The following LUC7L3 variants were observed in gnomAD, a reference collection of about 807,000 sequenced individuals.
LUC7L3 encodes luc7-like protein 3.
Under a neutral mutation model 66.8 loss-of-function variants are expected in LUC7L3, and 6 were observed. The ratio of observed to expected loss-of-function variants is 0.09; its 90% CI spans 0.05 to 0.18. The LOEUF is 0.18. LUC7L3 is among the 10% of genes least tolerant of loss of function. The pLI is 1.00. For missense variants in LUC7L3, 341 were observed against 531.1 expected, an observed-to-expected ratio of 0.64 and a Z score of 3.52; for synonymous variants, 160 against 174.7, an observed-to-expected ratio of 0.92 and a Z score of 0.66.
intron 1 of LUC7L3, among the ~76,000 whole-genome samples, chr17:50,733,657 T>A (rs1969786846): frequency 6.6e-6 from 1 of 152,178 alleles, no homozygotes; most frequent in Non-Finnish European, 1.5e-5. Flanking sequence ...CGCCTCAGCC[T>A]CCCAAAGTGC....
intron 1 of LUC7L3, chr17:50,722,261 G>C (rs1266983457): frequency 1.5e-5 from 2 of 136,114 alleles, no homozygotes; most frequent in African/African-American, 5.6e-5. Context: ...GCAATGGCGT[G>C]ATTTTGGCTC....
intron 1 of LUC7L3, chr17:50,724,005 T>G: frequency 2.2e-6 from 1 of 454,258 alleles, no homozygotes; most frequent in Non-Finnish European, 4.4e-6. Flanking sequence ...AGTCCATGTG[T>G]TATATGTGTA....
At chr17:50,745,692 G>A in intron 7 of LUC7L3, 28 bp from the exon 8 acceptor site, 3 of 1,552,684 alleles carry the variant, frequency 1.9e-6, no homozygotes, top group South Asian at 1.2e-5. Context: ...AGTTACATTT[G>A]CATAAGAATC....
rs749171087 is a variant in LUC7L3 at position 50,740,284 on chromosome 17, A to G, written c.167-22A>G. ...TTGCTAATAATCACAGATAATTTATACAATTATATTTTTTCCCCCAGGTCC... is the reference window on the plus strand; with the variant it reads ...TTGCTAATAATCACAGATAATTTATGCAATTATATTTTTTCCCCCAGGTCC... On this transcript the variant is annotated intron_variant, in intron 2 of 9. Coordinates refer to ENST00000505658, the MANE Select transcript of LUC7L3 (RefSeq NM_016424.5). The G allele has an allele frequency of 7.1e-6, 11 of 1,546,882 alleles. No homozygotes were observed. In the South Asian group the frequency reaches 1.2e-4, roughly 17 times the overall value.
At chr17:50,733,398 G>GTT (rs35236108) in intron 1 of LUC7L3, among the ~76,000 whole-genome samples, 28,051 of 97,712 alleles carry the variant, frequency 0.29, 4,770 homozygotes, top group African/African-American at 0.39. Context: ...CGCCTGGCTA[G>GTT]TTTTTTTTTT....
In LUC7L3 at chr17:50,753,195, T is replaced by TA. The variant is rs1971048774; in HGVS notation, c.*2538dup. 1 of 152,578 alleles carries TA rather than the reference T, an allele frequency of 6.6e-6. No homozygotes were observed. Among genetic ancestry groups the TA allele is most frequent in the Non-Finnish European group, 1.5e-5 (1 of 68,030 alleles). 9.5% of individuals were successfully genotyped at this position (152,578 alleles called of 1,614,324 possible). A position where few individuals can be genotyped will look rare whatever the true frequency, so the allele number is the denominator to read the frequency against. On this transcript the variant is annotated 3_prime_UTR_variant, in exon 10 of 10. Coordinates refer to ENST00000505658, the MANE Select transcript of LUC7L3 (RefSeq NM_016424.5). ...TCTATAGCCAGCTTCTTCGACTGTA[T>TA]AAAAGTATTCTCTCCAGCTACGTAT...
At chr17:50,729,839 C>T (rs1969439561) in intron 1 of LUC7L3, among the ~76,000 whole-genome samples, 1 of 143,238 alleles carries the variant, frequency 7.0e-6, no homozygotes, top group East Asian at 2.0e-4. Context: ...CTGTTTCCAA[C>T]ATGAGTTGTG....
rs997535286 is a variant in LUC7L3, at chr17:50,723,892, C to T, written c.99+4061C>T. ...TCAAGTGATCGGTCCGCCTCAGTCT[C>T]CCAAAGTGCTGAGGTTACAGGCGTG... On this transcript the variant is annotated intron_variant, in intron 1 of 9. Coordinates refer to ENST00000505658, the MANE Select transcript of LUC7L3 (RefSeq NM_016424.5). 1.1e-4 allele frequency: 49 copies of T among 442,070 alleles called. No homozygotes were observed. In the Admixed American group the frequency reaches 1.2e-3, roughly 11 times the overall value. 27.4% of individuals were successfully genotyped at this position (442,070 alleles called of 1,614,324 possible).
chr17:50,746,950 G>A (rs970392963), intron 9 of LUC7L3, among the ~76,000 whole-genome samples: 2 of 151,852 alleles, frequency 1.3e-5, no homozygotes, highest in African/African-American at 4.8e-5. Flanking sequence ...GGTTTTTAAT[G>A]TAGCTTCTTT....
chr17:50,745,582 A>G (rs1240318495), intron 7 of LUC7L3, 138 bp from the exon 8 acceptor site: 1 of 623,730 alleles, frequency 1.6e-6, no homozygotes, highest in Non-Finnish European at 2.8e-6. Context: ...GTGTATATAC[A>G]TGGTGTTGGA....
At chr17:50,726,077 A>G (rs527372699) in intron 1 of LUC7L3, among the ~76,000 whole-genome samples, 1 of 152,348 alleles carries the variant, frequency 6.6e-6, no homozygotes, top group Non-Finnish European at 1.5e-5. Context: ...GTTGGTGTCT[A>G]AAGTAAATTG....
chr17:50,739,330 A>G (rs1046275892), intron 2 of LUC7L3, among the ~76,000 whole-genome samples: 3 of 152,216 alleles, frequency 2.0e-5, no homozygotes, highest in African/African-American at 7.2e-5. Flanking sequence ...GATAGTTTCT[A>G]TAGCTGAGTT....
At chr17:50,739,219 A>T (rs1430873372) in intron 2 of LUC7L3, among the ~76,000 whole-genome samples, 8 of 152,252 alleles carry the variant, frequency 5.3e-5, no homozygotes, top group Non-Finnish European at 1.0e-4. Context: ...TAGTGAGCTT[A>T]GAAAATAAGT....
chr17:50,723,840 G>A, intron 1 of LUC7L3: 1 of 367,260 alleles, frequency 2.7e-6, no homozygotes, highest in Non-Finnish European at 5.5e-6. Flanking sequence ...TTGCCATATT[G>A]GCCAGGCTGG....
intron 1 of LUC7L3, among the ~76,000 whole-genome samples, chr17:50,724,604 A>C (rs1323432198): frequency 9.4e-6 from 1 of 106,516 alleles, no homozygotes; most frequent in East Asian, 2.7e-4. Flanking sequence ...TGGTTGCTTT[A>C]GGAAAATTGT....
chr17:50,741,856 G>A (rs1044806317), intron 5 of LUC7L3, 125 bp downstream of exon 5: 6 of 653,910 alleles, frequency 9.2e-6, no homozygotes, highest in South Asian at 4.3e-5. Context: ...AGGCCGAGGC[G>A]GGAGGATTGC....
At chr17:50,746,790 C>A in intron 9 of LUC7L3, 88 bp downstream of exon 9, 2 of 1,094,216 alleles carry the variant, frequency 1.8e-6, no homozygotes, top group Admixed American at 2.6e-5. Flanking sequence ...GGCAAAGATC[C>A]ATTTCATACA....
intron 1 of LUC7L3, among the ~76,000 whole-genome samples, chr17:50,724,755 TC>T (rs1268954106): frequency 6.3e-5 from 7 of 111,314 alleles, no homozygotes; most frequent in African/African-American, 2.3e-4. Context: ...AAATATTTTC[TC>T]TTTTTTTTTT....
intron 1 of LUC7L3, among the ~76,000 whole-genome samples, chr17:50,733,518 C>T (rs1969772332): frequency 6.6e-6 from 1 of 152,016 alleles, no homozygotes; most frequent in African/African-American, 2.4e-5. Flanking sequence ...TCTCCTGCCT[C>T]AGCCTCCCGA....
Sources: allele counts gnomAD v4.1 joint callset (sites outside exome capture counted in the v4.1 genomes callset), GRCh38; gene constraint gnomAD v4.1.1; transcripts MANE v1.5; gene names NCBI Gene and HGNC (gene_info 2026-07-23, HGNC 2026-07-21).